The following EIF4E3 variants were observed in gnomAD, a reference collection of about 807,000 sequenced individuals.
EIF4E3 encodes eukaryotic translation initiation factor 4E family member 3, also known as eukaryotic translation initiation factor 4E type 3.
EIF4E3 carries 26 observed loss-of-function variants against 31.7 expected under a neutral mutation model. That is an observed-to-expected ratio of 0.82 (90% CI 0.60 to 1.14). The LOEUF is 1.14. Ranked by LOEUF, EIF4E3 falls within the 50% of genes most tolerant of loss-of-function variation. EIF4E3 has a pLI of 0.00. For synonymous variants in EIF4E3, 128 were observed against 107.7 expected (o/e 1.19, Z -1.17); for missense variants, 304 against 270.9 (o/e 1.12, Z -0.86).
chr3:71,661,587 C>A, the EIF4E3 span, among the ~76,000 whole-genome samples: 2 of 152,158 alleles, frequency 1.3e-5, no homozygotes, highest in Non-Finnish European at 2.9e-5. Context: ...GGGTAGCAAA[C>A]CCTCTGGAAT....
chr3:71,740,956 G>A (rs2049814561), intron 1 of EIF4E3, among the ~76,000 whole-genome samples: 1 of 151,852 alleles, frequency 6.6e-6, no homozygotes. Flanking sequence ...CTAACATGGT[G>A]AAACCCTGTC....
At chr3:71,704,526 G>A (rs963962834) in intron 2 of EIF4E3, among the ~76,000 whole-genome samples, 2 of 152,202 alleles carry the variant, frequency 1.3e-5, no homozygotes, top group African/African-American at 2.4e-5. Flanking sequence ...TGGTGGGGTC[G>A]GGGGAAGGCA....
chr3:71,751,009 G>T (rs992367820), intron 1 of EIF4E3, among the ~76,000 whole-genome samples: 2 of 151,808 alleles, frequency 1.3e-5, no homozygotes, highest in African/African-American at 2.4e-5. Flanking sequence ...TGATCCACCC[G>T]CCTCGGCCTC....
chr3:71,695,685 C>T (rs1469910673), intron 4 of EIF4E3, among the ~76,000 whole-genome samples: 2 of 152,116 alleles, frequency 1.3e-5, no homozygotes, highest in Non-Finnish European at 2.9e-5. Flanking sequence ...AAAATGACTC[C>T]AGCTCAAGCA....
chr3:71,670,412 A>G, the EIF4E3 span, among the ~76,000 whole-genome samples: 1 of 147,852 alleles, frequency 6.8e-6, no homozygotes, highest in African/African-American at 2.5e-5. Flanking sequence ...CCTCCATTGC[A>G]CCCCCCCAAC....
chr3:71,753,668 GGCAGCGGCGGCA>G (rs988804200), upstream of EIF4E3: 35 of 141,860 alleles, frequency 2.5e-4, no homozygotes, highest in South Asian at 5.4e-4. Context: ...CGGCGGCGGC[GGCAGCGGCGGCA>G]GCGGCGGCGG....
intron 6 of EIF4E3, among the ~76,000 whole-genome samples, chr3:71,686,054 C>T (rs936074173): frequency 9.2e-5 from 14 of 152,262 alleles, no homozygotes; most frequent in African/African-American, 3.1e-4. Flanking sequence ...TCATGCTACT[C>T]GGCTCACTGC....
intron 1 of EIF4E3, among the ~76,000 whole-genome samples, chr3:71,735,997 G>T (rs1011117924): frequency 1.3e-5 from 2 of 152,128 alleles, no homozygotes; most frequent in African/African-American, 4.8e-5. Context: ...TTGGACAAAA[G>T]ACCTGAGCAA....
chr3:71,691,364 G>A (rs754807636), intron 5 of EIF4E3, among the ~76,000 whole-genome samples: 12 of 152,182 alleles, frequency 7.9e-5, no homozygotes, highest in Non-Finnish European at 1.2e-4. Context: ...ATAATCGGCA[G>A]TAAAGTAATT....
chr3:71,751,778 G>C (rs2049931217), intron 1 of EIF4E3, among the ~76,000 whole-genome samples: 1 of 152,164 alleles, frequency 6.6e-6, no homozygotes, highest in Non-Finnish European at 1.5e-5. Context: ...TTTCTGCCTG[G>C]AATGAAGAAA....
rs2048938010 is a variant in EIF4E3 at position 71,682,721 on chromosome 3, AT to A, written c.*1960del. ...ATGATCATAAACAGAAACTAGAAAT[AT>A]TAACGTGAGCCTAACATTCCTATTT... is the stretch of plus-strand genomic sequence containing the variant. On this transcript the variant is annotated 3_prime_UTR_variant, in exon 7 of 7. Transcript: ENST00000425534. 1.3e-5 allele frequency: 2 copies of A among 152,682 alleles called. No individual in the cohort carries two copies. Among genetic ancestry groups the A allele is most frequent in the South Asian group, 4.1e-4 (2 of 4,830 alleles). The allele number at this position is 152,682 out of a possible 1,614,324, so 9.5% of individuals were successfully genotyped here. A position where few individuals can be genotyped will look rare whatever the true frequency, so the allele number is the denominator to read the frequency against.
At chr3:71,699,262 A>AC (rs1437739905) in intron 3 of EIF4E3, among the ~76,000 whole-genome samples, 3 of 152,214 alleles carry the variant, frequency 2.0e-5, no homozygotes, top group South Asian at 4.1e-4. Context: ...AACAACAACA[A>AC]AAAAAACCCC....
At chr3:71,745,049 C>T (rs1178395552) in intron 1 of EIF4E3, among the ~76,000 whole-genome samples, 2 of 152,144 alleles carry the variant, frequency 1.3e-5, no homozygotes, top group Non-Finnish European at 2.9e-5. Flanking sequence ...GAAATCAGAC[C>T]ACTGCAAGTT....
At chr3:71,707,522 C>T (rs1385237613) in intron 2 of EIF4E3, among the ~76,000 whole-genome samples, 1 of 152,180 alleles carries the variant, frequency 6.6e-6, no homozygotes, top group Non-Finnish European at 1.5e-5. Context: ...CTCAGTTTTA[C>T]AGATGAGAAA....
Position 71,738,485 on chromosome 3 carries a change from A to G in EIF4E3, c.-290-9862T>C, listed in dbSNP as rs371753264. Reference sequence around the variant, plus strand: ...AATGAAAAAAGAGATATCATGTAACAATAACCCCACAAAGTTAAGAGTAGC... The same window carrying G: ...AATGAAAAAAGAGATATCATGTAACGATAACCCCACAAAGTTAAGAGTAGC... On this transcript the variant is annotated intron_variant, in intron 1 of 7. Coordinates refer to the EIF4E3 transcript ENST00000295612. 6.9e-4 allele frequency among the ~76,000 whole-genome samples: 105 copies of G among 152,380 alleles called. 1 individual carries two copies. Among genetic ancestry groups the G allele is most frequent in the African/African-American group, 2.5e-3 (102 of 41,590 alleles).
the EIF4E3 span, among the ~76,000 whole-genome samples, chr3:71,669,384 C>G: frequency 1.3e-5 from 2 of 152,050 alleles, no homozygotes; most frequent in African/African-American, 4.8e-5. Flanking sequence ...ACATGTATCC[C>G]AGAACTTAAA....
upstream of EIF4E3, chr3:71,753,989 T>C: frequency 9.4e-7 from 1 of 1,059,358 alleles, no homozygotes; most frequent in Non-Finnish European, 1.1e-6. Flanking sequence ...CCGGGCGGCC[T>C]GCGGGAGCGG....
intron 4 of EIF4E3, among the ~76,000 whole-genome samples, chr3:71,694,458 A>C (rs190839990): frequency 3.3e-4 from 51 of 152,352 alleles, no homozygotes; most frequent in Admixed American, 1.0e-3. Flanking sequence ...CATTTGAGGC[A>C]GACTGTTTAT....
intron 1 of EIF4E3, among the ~76,000 whole-genome samples, chr3:71,723,540 T>C (rs939070995): frequency 1.3e-5 from 2 of 152,242 alleles, no homozygotes; most frequent in African/African-American, 4.8e-5. Context: ...TCTTAAAAGA[T>C]TGTGTTATCT....
Sources: allele counts gnomAD v4.1 joint callset (sites outside exome capture counted in the v4.1 genomes callset), GRCh38; gene constraint gnomAD v4.1.1; transcripts MANE v1.5; gene names NCBI Gene and HGNC (gene_info 2026-07-23, HGNC 2026-07-21).